Variants in DET1 observed in about 807,000 individuals in gnomAD.
The protein encoded by DET1 is DET1 partner of COP1 E3 ubiquitin ligase, also known as DET1 homolog.
Under a neutral mutation model 43.7 loss-of-function variants are expected in DET1, and 22 were observed. The ratio of observed to expected loss-of-function variants is 0.50; its 90% CI spans 0.36 to 0.72. The LOEUF (loss-of-function observed/expected upper bound fraction) is 0.72, where lower values mean the gene tolerates loss of function less well. Ranked by LOEUF, DET1 falls within the 30% of genes least tolerant of loss-of-function variation. The pLI is 0.00. For synonymous variants in DET1, 315 were observed against 266.2 expected (o/e 1.18, Z -1.79); for missense variants, 713 against 713.3 (o/e 1.00, Z 0.00).
intron 2 of DET1, among the ~76,000 whole-genome samples, chr15:88,528,399 G>A (rs895815656): frequency 6.6e-6 from 1 of 152,234 alleles, no homozygotes; most frequent in African/African-American, 2.4e-5. Flanking sequence ...TATACAAGCA[G>A]GGTACTGCTG....
At chr15:88,539,311 G>A (rs2057035512) in intron 1 of DET1, among the ~76,000 whole-genome samples, 1 of 152,012 alleles carries the variant, frequency 6.6e-6, no homozygotes, top group Non-Finnish European at 1.5e-5. Flanking sequence ...GCTTAAGGCA[G>A]CATCGGACAT....
chr15:88,518,056 A>C (rs1401372343), intron 3 of DET1, among the ~76,000 whole-genome samples: 1 of 150,886 alleles, frequency 6.6e-6, no homozygotes, highest in African/African-American at 2.4e-5. Flanking sequence ...CTCCTACCTC[A>C]GCTTCCCAAG....
chr15:88,524,569 T>C (rs1008044289), intron 3 of DET1, among the ~76,000 whole-genome samples: 1 of 152,244 alleles, frequency 6.6e-6, no homozygotes, highest in Non-Finnish European at 1.5e-5. Context: ...ACTGTGTCTG[T>C]GTGGAAAGAG....
At chr15:88,543,392 G>A (rs1169977941) in intron 1 of DET1, among the ~76,000 whole-genome samples, 7 of 152,216 alleles carry the variant, frequency 4.6e-5, no homozygotes, top group African/African-American at 7.2e-5. Flanking sequence ...GATGTCAGAT[G>A]CTTGCATTTT....
chr15:88,518,693 A>G (rs1354074210), intron 3 of DET1, among the ~76,000 whole-genome samples: 2 of 152,310 alleles, frequency 1.3e-5, no homozygotes, highest in African/African-American at 2.4e-5. Context: ...AATCAAGGGG[A>G]TATCAATTTT....
chr15:88,545,524 C>A (rs1467875681), intron 1 of DET1, among the ~76,000 whole-genome samples: 1 of 152,208 alleles, frequency 6.6e-6, no homozygotes, highest in African/African-American at 2.4e-5. Flanking sequence ...GAACCCCTGG[C>A]TAACTACTTT....
rs115934796 is a variant in DET1 at position 88,542,334 on chromosome 15, T to A, written c.-11+4206A>T. ...CAGGTGGAAGGAGAGCCTTGGACGA[T>A]TTTCACTGGTATCTCCTCACGGATA... is the stretch of plus-strand genomic sequence containing the variant. On this transcript the variant is annotated intron_variant, in intron 1 of 4. Coordinates refer to ENST00000268148, the MANE Select transcript of DET1 (RefSeq NM_001144074.3). Among the ~76,000 whole-genome samples the A allele has an allele frequency of 6.6e-3, 1,008 of 152,224 alleles. 8 individuals carry two copies. Among genetic ancestry groups the A allele is most frequent in the African/African-American group, 0.023 (948 of 41,534 alleles).
At chr15:88,540,226 A>C (rs1598349839) in intron 1 of DET1, among the ~76,000 whole-genome samples, 1 of 152,218 alleles carries the variant, frequency 6.6e-6, no homozygotes, top group Middle Eastern at 3.4e-3. Context: ...ACAGATCTAG[A>C]AGAAGAGGGA....
At chr15:88,543,559 G>A (rs891786752) in intron 1 of DET1, among the ~76,000 whole-genome samples, 3 of 152,230 alleles carry the variant, frequency 2.0e-5, no homozygotes, top group African/African-American at 7.2e-5. Flanking sequence ...GGACGCCGCT[G>A]TGTTCACAGA....
Position 88,512,864 on chromosome 15 carries a change from T to G in DET1, c.*87A>C, listed in dbSNP as rs1030974973. ...AGCAGGCTGGAACTAACAGAGCTAG[T>G]AGTCGGGAGCTTTTGCTTTGGAGTC... On this transcript the variant is annotated 3_prime_UTR_variant, in exon 5 of 5. Coordinates refer to ENST00000268148, the MANE Select transcript of DET1 (RefSeq NM_001144074.3). 5.8e-6 allele frequency: 9 copies of G among 1,542,216 alleles called. No individual in the cohort carries two copies. The highest frequency in any genetic ancestry group is 7.0e-6 in the Non-Finnish European group (8 of 1,141,386).
At chr15:88,526,509 CCTAAGTGATTTGTAAAGGGACTCCAGGTG>C (rs2056667205) in intron 3 of DET1, among the ~76,000 whole-genome samples, 1 of 148,838 alleles carries the variant, frequency 6.7e-6, no homozygotes, top group African/African-American at 2.6e-5. Context: ...TTTAGGGTGA[CCTAAGTGATTTGTAAAGGGACTCCAGGTG>C]TCAATATATG....
At chr15:88,536,486 G>A (rs774325818) in intron 1 of DET1, 7 of 566,272 alleles carry the variant, frequency 1.2e-5, no homozygotes, top group Non-Finnish European at 2.2e-5. Context: ...CAAAGTAAAA[G>A]AGGAACAAAC....
intron 1 of DET1, among the ~76,000 whole-genome samples, chr15:88,534,502 G>T (rs529168863): frequency 1.3e-5 from 2 of 152,308 alleles, no homozygotes; most frequent in African/African-American, 4.8e-5. Context: ...TGTCATCAGA[G>T]GATCAAAAGG....
Position 88,531,131 on chromosome 15 carries a change from G to T in DET1, c.575C>A (p.Ser192Tyr). The T allele has an allele frequency of 6.2e-7, 1 of 1,613,976 alleles. No homozygotes were observed. Among genetic ancestry groups the T allele is most frequent in the Non-Finnish European group, 8.5e-7 (1 of 1,179,894 alleles). ...GGTGTGAAGGTCAATGATATGGAGGGAATAGTCTTCTAGAGGGGACCGTGG... is the reference window on the plus strand; with the variant it reads ...GGTGTGAAGGTCAATGATATGGAGGTAATAGTCTTCTAGAGGGGACCGTGG... ...PNPRSPLEDYSLHIIDLHTGR... is the reference protein window; with the variant it reads ...PNPRSPLEDYYLHIIDLHTGR... Residue 192 changes from serine (S) to tyrosine (Y), a missense_variant, in exon 2 of 5, where the codon TCC becomes TAC. Ser to Tyr is a moderately radical substitution (Grantham distance 144, BLOSUM62 -2). Coordinates refer to ENST00000268148, the MANE Select transcript of DET1 (RefSeq NM_001144074.3). The surrounding 1 kb of genome is among the most constrained non-coding windows in gnomAD (Gnocchi z 6.2).
intron 1 of DET1, chr15:88,536,236 G>C (rs562843735): frequency 2.8e-6 from 2 of 716,866 alleles, no homozygotes; most frequent in Non-Finnish European, 5.2e-6. Flanking sequence ...GGCACCTTAC[G>C]TCTGCCCACA....
At position 88,520,774 on chromosome 15, in the gene DET1, TCA is replaced by T. The variant is rs1009838926; in HGVS notation, c.1272-3803_1272-3802del. 8.5e-5 allele frequency among the ~76,000 whole-genome samples: 13 copies of T among 152,270 alleles called. 1 individual carries two copies. The South Asian group carries it at 1.2e-3, about 15-fold the overall frequency. On this transcript the variant is annotated intron_variant, in intron 3 of 4. Transcript: ENST00000268148. ...CCACTGTTAAACAACAAATAATCAA[TCA>T]CAGAGGACTTGGTATGTGCCAGACA...
Position 88,531,781 on chromosome 15 carries a change from C to A in DET1, c.-10-66G>T. On this transcript the variant is annotated intron_variant, in intron 1 of 4. Coordinates refer to ENST00000268148, the MANE Select transcript of DET1 (RefSeq NM_001144074.3). The surrounding 1 kb of genome is among the most constrained non-coding windows in gnomAD (Gnocchi z 6.2). ...GAATTTACCAAAATATAAATATATA[C>A]AAGTGAAACAGATTTCTCTTCTTAT... The A allele has an allele frequency of 7.0e-7, 1 of 1,421,198 alleles. No individual in the cohort carries two copies. Among genetic ancestry groups the A allele is most frequent in the Non-Finnish European group, 9.4e-7 (1 of 1,065,566 alleles). 88.0% of individuals were successfully genotyped at this position (1,421,198 alleles called of 1,614,324 possible).
Position 88,530,701 on chromosome 15 carries a change from C to T in DET1, c.1005G>A (p.Gln335=), listed in dbSNP as rs780378480. The change falls in exon 2 of 5, where the codon CAG becomes CAA. Residue 335 remains glutamine (Q), a synonymous_variant. Transcript: ENST00000268148. ...QLRQLRMWKM[Q]LLDENHLFIK... ...TAAACAGGTGGTTTTCATCCAGAAG[C>T]TGCATTTTCCACATTCGCAGCTGCC... is the stretch of plus-strand genomic sequence containing the variant. 6.2e-7 allele frequency: 1 copy of T among 1,613,874 alleles called. No individual in the cohort carries two copies. Among genetic ancestry groups the T allele is most frequent in the Non-Finnish European group, 8.5e-7 (1 of 1,179,886 alleles).
chr15:88,541,999 G>T (rs1433204736), intron 1 of DET1, among the ~76,000 whole-genome samples: 4 of 152,066 alleles, frequency 2.6e-5, no homozygotes, highest in Non-Finnish European at 5.9e-5. Context: ...TGAGCGCTCA[G>T]CCCCCTTCCT....
Sources: allele counts gnomAD v4.1 joint callset (sites outside exome capture counted in the v4.1 genomes callset), GRCh38; gene constraint gnomAD v4.1.1; non-coding constraint Gnocchi (gnomAD v3.1); transcripts MANE v1.5; gene names NCBI Gene and HGNC (gene_info 2026-07-23, HGNC 2026-07-21).